The following TXLNG variants were observed in gnomAD, a reference collection of about 807,000 sequenced individuals.
TXLNG encodes the protein taxilin gamma.
In TXLNG, 5 loss-of-function variants were observed where a neutral mutation model predicts 38.8. The observed-to-expected ratio is 0.13, with a 90% confidence interval of 0.07 to 0.27. The LOEUF is 0.27. Ranked by LOEUF, TXLNG falls within the 10% of genes least tolerant of loss-of-function variation. TXLNG has a pLI of 1.00. For synonymous variants in TXLNG, 182 were observed against 158.2 expected (o/e 1.15, Z -1.13); for missense variants, 393 against 398.2 (o/e 0.99, Z 0.11).
Position 16,841,710 on chromosome X carries a change from G to A in TXLNG, c.1531G>A (p.Ala511Thr), listed in dbSNP as rs771177728. ...LEAEPKSQRS[A>T]VQKPPSTGSA... Reference sequence around the variant, plus strand: ...GGCTGAGCCCAAGAGTCAGAGAAGCGCTGTGCAAAAGCCCCCGTCCACAGG... The same window carrying A: ...GGCTGAGCCCAAGAGTCAGAGAAGCACTGTGCAAAAGCCCCCGTCCACAGG... The change falls in exon 10 of 10, where the codon GCT becomes ACT. Residue 511 changes from alanine to threonine, a missense_variant. By Grantham distance (58) the Ala-to-Thr change is moderately conservative. Coordinates refer to ENST00000380122, the MANE Select transcript of TXLNG (RefSeq NM_018360.3). 50 of 1,210,162 alleles carry A rather than the reference G, an allele frequency of 4.1e-5. No homozygotes were observed. The highest frequency in any genetic ancestry group is 5.2e-5 in the Non-Finnish European group (47 of 895,336).
chrX:16,829,882 G>GTTC, intron 5 of TXLNG, 112 bp downstream of exon 5: 1 of 675,361 alleles, frequency 1.5e-6, no homozygotes, highest in Non-Finnish European at 2.2e-6. Flanking sequence ...CATATGCATA[G>GTTC]TGGCAGTCGG....
rs1395421213 is a variant in TXLNG at position 16,828,189 on chromosome X, T to C, written c.594T>C (p.His198=). ...AGAAAGTTCACTTGCAGAGTGAACA[T>C]AGCAAGGCTATCTTGGCAAGAAGCA... ...VKEKVHLQSE[H]SKAILARSKL... The change falls in exon 4 of 10, where the codon CAT becomes CAC. Residue 198 remains histidine (H), a synonymous_variant. Coordinates refer to ENST00000380122, the MANE Select transcript of TXLNG (RefSeq NM_018360.3). The C allele has an allele frequency of 8.3e-7, 1 of 1,211,168 alleles. No homozygotes were observed. The highest frequency in any genetic ancestry group is 2.2e-5 in the Admixed American group (1 of 45,939).
chrX:16,788,621 C>G (rs1602351159), intron 1 of TXLNG, among the ~76,000 whole-genome samples: 4 of 108,756 alleles, frequency 3.7e-5, no homozygotes, highest in African/African-American at 1.0e-4. Context: ...TAGCCTGGGC[C>G]GCAGAGTGAG....
At chrX:16,825,490 ATGGATTAATAAAGAGTTTTG>A (rs1199514338) in intron 3 of TXLNG, among the ~76,000 whole-genome samples, 1 of 112,186 alleles carries the variant, frequency 8.9e-6, no homozygotes, top group African/African-American at 3.2e-5. Context: ...ATGCAAGAAG[ATGGATTAATAAAGAGTTTTG>A]TGTGTATGTG....
At chrX:16,820,413 T>C (rs1189880694) in intron 3 of TXLNG, among the ~76,000 whole-genome samples, 158 bp downstream of exon 3, 1 of 112,161 alleles carries the variant, frequency 8.9e-6, no homozygotes, top group Non-Finnish European at 1.9e-5. Flanking sequence ...TGGGGCTTTT[T>C]ATTGGTTGTA....
intron 1 of TXLNG, among the ~76,000 whole-genome samples, chrX:16,805,237 C>T (rs943926836): frequency 2.8e-5 from 3 of 108,722 alleles, no homozygotes; most frequent in Admixed American, 2.0e-4. Flanking sequence ...CCTACCTCGG[C>T]CTTGCATAGT....
intron 1 of TXLNG, among the ~76,000 whole-genome samples, chrX:16,801,022 G>C (rs1176741468): frequency 1.8e-5 from 2 of 112,038 alleles, no homozygotes; most frequent in African/African-American, 3.2e-5. Flanking sequence ...TCTTGCTTCT[G>C]CTCTCGCTGT....
At chrX:16,834,386 T>G (rs1188541459) in intron 7 of TXLNG, 29 bp downstream of exon 7, 1 of 1,138,785 alleles carries the variant, frequency 8.8e-7, no homozygotes, top group African/African-American at 1.8e-5. Flanking sequence ...ATAGTACAAT[T>G]TGTAAGAAAA....
At chrX:16,794,047 A>C (rs1927792585) in intron 1 of TXLNG, among the ~76,000 whole-genome samples, 1 of 111,800 alleles carries the variant, frequency 8.9e-6, no homozygotes, top group African/African-American at 3.2e-5. Context: ...TTATGGCGCT[A>C]AGAAGGTAAG....
At chrX:16,806,767 A>G (rs902748859) in intron 1 of TXLNG, among the ~76,000 whole-genome samples, 3 of 109,656 alleles carry the variant, frequency 2.7e-5, no homozygotes, top group Non-Finnish European at 5.7e-5. Context: ...AATACAAAAA[A>G]TTAGCTGGAT....
chrX:16,839,028 C>T (rs756234862), intron 8 of TXLNG, among the ~76,000 whole-genome samples: 1 of 111,931 alleles, frequency 8.9e-6, no homozygotes, highest in East Asian at 2.8e-4. Context: ...GGCTCAATGC[C>T]CCGACCTGGA....
intron 9 of TXLNG, chrX:16,840,331 C>G: frequency 2.3e-6 from 1 of 437,501 alleles, no homozygotes; most frequent in Non-Finnish European, 2.9e-6. Flanking sequence ...ATCCGCCTCT[C>G]TAACAAGCAT....
At chrX:16,800,238 C>A (rs370453780) in intron 1 of TXLNG, among the ~76,000 whole-genome samples, 27 of 111,981 alleles carry the variant, frequency 2.4e-4, no homozygotes, top group African/African-American at 8.7e-4. Flanking sequence ...CTATGCCCAG[C>A]CACTTTATTA....
rs753677493 is a variant in TXLNG, at chrX:16,843,298, T to C, written c.*1532T>C. 38 of 112,058 alleles carry C rather than the reference T, an allele frequency of 3.4e-4. No homozygotes were observed. The highest frequency in any genetic ancestry group is 9.1e-4 in the African/African-American group (28 of 30,846). The allele number at this position is 112,058 out of a possible 1,213,427, so 9.2% of individuals were successfully genotyped here. A position where few individuals can be genotyped will look rare whatever the true frequency, so the allele number is the denominator to read the frequency against. ...CATGGTCGAAACTGGGTTGAAAGAA[T>C]TGAAAATTGTCCAACAGATAGATAG... On this transcript the variant is annotated 3_prime_UTR_variant, in exon 10 of 10. Transcript: ENST00000380122.
At chrX:16,826,277 A>AT (rs951615535) in intron 3 of TXLNG, among the ~76,000 whole-genome samples, 3 of 111,265 alleles carry the variant, frequency 2.7e-5, no homozygotes, top group East Asian at 2.8e-4. Context: ...AAAAACAATG[A>AT]TTTTTTTTCC....
At chrX:16,821,124 C>CTTATTAATTCTCTTTTTGGAG (rs1928931409) in intron 3 of TXLNG, among the ~76,000 whole-genome samples, 1 of 81,925 alleles carries the variant, frequency 1.2e-5, no homozygotes, top group Non-Finnish European at 2.2e-5. Flanking sequence ...TTTGGAGTTT[C>CTTATTAATTCTCTTTTTGGAG]TTTCTTTCTT....
At chrX:16,825,684 A>C (rs1929142009) in intron 3 of TXLNG, among the ~76,000 whole-genome samples, 1 of 112,278 alleles carries the variant, frequency 8.9e-6, no homozygotes, top group Non-Finnish European at 1.9e-5. Flanking sequence ...TGTGTTTTTA[A>C]AAAGTGGAAT....
intron 5 of TXLNG, 29 bp downstream of exon 5, chrX:16,829,799 T>C (rs1482413050): frequency 6.0e-6 from 7 of 1,174,354 alleles, no homozygotes; most frequent in Non-Finnish European, 4.6e-6. Flanking sequence ...TTTAAACGGC[T>C]TCTCAAGATT....
chrX:16,810,671 A>G (rs1198389638), intron 1 of TXLNG, among the ~76,000 whole-genome samples: 1 of 112,361 alleles, frequency 8.9e-6, no homozygotes. Flanking sequence ...CTAATGATAA[A>G]ATAAAAATAG....
Sources: gnomAD v4.1 joint callset for allele counts (sites outside exome capture counted in the v4.1 genomes callset) on GRCh38, gnomAD v4.1.1 for gene constraint, MANE v1.5 for transcripts, NCBI Gene and HGNC (gene_info 2026-07-23, HGNC 2026-07-21) for gene names.